STAG1: variants seen among roughly 807,000 people sequenced by gnomAD.
The protein encoded by STAG1 is cohesin subunit SA-1.
STAG1 carries 26 observed loss-of-function variants against 170.9 expected under a neutral mutation model. The observed-to-expected ratio is 0.15, with a 90% confidence interval of 0.11 to 0.21. The LOEUF is 0.21. Ranked by LOEUF, STAG1 falls within the 10% of genes least tolerant of loss-of-function variation. The pLI is 1.00. For missense variants in STAG1, 964 were observed against 1,509.5 expected (o/e 0.64, Z 5.99); for synonymous variants, 514 against 497.7 (o/e 1.03, Z -0.44).
At chr3:136,717,086 T>C (rs779588669) in intron 1 of STAG1, among the ~76,000 whole-genome samples, 12 of 152,236 alleles carry the variant, frequency 7.9e-5, no homozygotes, top group Non-Finnish European at 1.6e-4. Context: ...GTCTGTTCTA[T>C]TTCTCTTTGC....
intron 5 of STAG1, among the ~76,000 whole-genome samples, chr3:136,559,556 G>A (rs537985057): frequency 3.2e-4 from 48 of 152,232 alleles, no homozygotes; most frequent in African/African-American, 8.4e-4. Context: ...ACTAACTCCC[G>A]GTCAGTCACT....
chr3:136,632,554 T>TA (rs1445842606), intron 1 of STAG1, among the ~76,000 whole-genome samples: 4 of 152,106 alleles, frequency 2.6e-5, no homozygotes, highest in Middle Eastern at 3.4e-3. Context: ...TTTAAATATA[T>TA]ATACTACACA....
chr3:136,537,521 G>A (rs1241234945), intron 6 of STAG1, among the ~76,000 whole-genome samples: 5 of 135,370 alleles, frequency 3.7e-5, no homozygotes, highest in African/African-American at 1.4e-4. Context: ...TTTTTTTTGA[G>A]GTGAAGTCTC....
chr3:136,487,973 A>T (rs903501194), intron 9 of STAG1, among the ~76,000 whole-genome samples: 2 of 152,236 alleles, frequency 1.3e-5, no homozygotes, highest in African/African-American at 4.8e-5. Flanking sequence ...CATGTAAGTA[A>T]GCCATTGTGG....
chr3:136,661,072 T>C (rs1941562647), intron 1 of STAG1, among the ~76,000 whole-genome samples: 1 of 152,206 alleles, frequency 6.6e-6, no homozygotes, highest in Non-Finnish European at 1.5e-5. Context: ...TAAATTGTTT[T>C]AATGACTAAG....
At chr3:136,440,835 CA>C in intron 15 of STAG1, among the ~76,000 whole-genome samples, 1 of 151,452 alleles carries the variant, frequency 6.6e-6, no homozygotes, top group Non-Finnish European at 1.5e-5. Flanking sequence ...ACTGAAAATA[CA>C]AAAAAAATTA....
chr3:136,652,111 A>G (rs182764694), intron 1 of STAG1, among the ~76,000 whole-genome samples: 133 of 152,362 alleles, frequency 8.7e-4, no homozygotes, highest in Non-Finnish European at 1.7e-3. Context: ...CACAAAGGAA[A>G]AAAGTAAATG....
intron 22 of STAG1, among the ~76,000 whole-genome samples, chr3:136,386,541 CAA>C (rs2086877842): frequency 6.6e-6 from 1 of 152,104 alleles, no homozygotes; most frequent in Non-Finnish European, 1.5e-5. Flanking sequence ...CCCATAACAG[CAA>C]ACTGTATGAT....
chr3:136,730,535 T>C (rs938935366), intron 1 of STAG1, among the ~76,000 whole-genome samples: 1 of 152,234 alleles, frequency 6.6e-6, no homozygotes, highest in Non-Finnish European at 1.5e-5. Flanking sequence ...ATTATGCATG[T>C]AAGCTACTTG....
Position 136,657,537 on chromosome 3 carries a change from C to T in STAG1, c.-83-26556G>A, listed in dbSNP as rs770138060. On this transcript the variant is annotated intron_variant, in intron 1 of 33. Coordinates refer to ENST00000383202, the MANE Select transcript of STAG1 (RefSeq NM_005862.3). ...TCACATGCACATAAAAAGACTGAAA[C>T]GGGCCAGGCAGGGTGGCCTCACGCC... Among the ~76,000 whole-genome samples the T allele has an allele frequency of 5.3e-5, 8 of 152,186 alleles. No individual in the cohort carries two copies. In the South Asian group the frequency reaches 1.2e-3, roughly 24 times the overall value.
At chr3:136,678,268 A>G (rs1942204599) in intron 1 of STAG1, among the ~76,000 whole-genome samples, 1 of 151,842 alleles carries the variant, frequency 6.6e-6, no homozygotes, top group South Asian at 2.1e-4. Flanking sequence ...ACTGCTTCAA[A>G]TAACAGTGCA....
At chr3:136,403,448 A>T (rs1017450084) in intron 21 of STAG1, among the ~76,000 whole-genome samples, 2 of 151,862 alleles carry the variant, frequency 1.3e-5, no homozygotes, top group African/African-American at 4.8e-5. Flanking sequence ...CATTAGTGCT[A>T]AAAAAATTAC....
intron 13 of STAG1, among the ~76,000 whole-genome samples, chr3:136,461,437 A>T (rs1003930712): frequency 6.6e-6 from 1 of 152,192 alleles, no homozygotes; most frequent in African/African-American, 2.4e-5. Context: ...ACTCCGCCCA[A>T]AAAATTGTTG....
At chr3:136,424,339 T>C (rs542436207) in intron 16 of STAG1, among the ~76,000 whole-genome samples, 1 of 151,020 alleles carries the variant, frequency 6.6e-6, no homozygotes, top group African/African-American at 2.4e-5. Context: ...TTTTTTTTTT[T>C]TTTTTTTTGA....
At chr3:136,398,056 C>T (rs2087218445) in intron 22 of STAG1, among the ~76,000 whole-genome samples, 1 of 151,974 alleles carries the variant, frequency 6.6e-6, no homozygotes, top group Admixed American at 6.6e-5. Flanking sequence ...AAGCGATTCT[C>T]CTGCCTCAGC....
chr3:136,424,324 C>T (rs1416224748), intron 16 of STAG1, among the ~76,000 whole-genome samples: 2 of 144,382 alleles, frequency 1.4e-5, no homozygotes, highest in Non-Finnish European at 3.0e-5. Context: ...TTTGATGGAA[C>T]GATCTTTTTT....
At chr3:136,690,056 C>CAAAAAAAAAAAAAAAAAAAAAAGAAAAA (rs1942669339) in intron 1 of STAG1, among the ~76,000 whole-genome samples, 13 of 56,404 alleles carry the variant, frequency 2.3e-4, no homozygotes, top group African/African-American at 6.2e-4. Context: ...AAAAGCAAAC[C>CAAAAAAAAAAAAAAAAAAAAAAGAAAAA]AAAAAAAAAA....
intron 5 of STAG1, 120 bp from the exon 6 acceptor site, chr3:136,542,315 T>G: frequency 4.3e-6 from 3 of 691,448 alleles, no homozygotes; most frequent in Non-Finnish European, 4.8e-6. Context: ...CAACATATAT[T>G]TTATATTAAA....
At chr3:136,453,316 G>A (rs1010447796) in intron 13 of STAG1, among the ~76,000 whole-genome samples, 1 of 152,100 alleles carries the variant, frequency 6.6e-6, no homozygotes, top group Non-Finnish European at 1.5e-5. Flanking sequence ...AGTTGGCCGG[G>A]CACGGTGGCT....
Sources: allele counts gnomAD v4.1 joint callset (sites outside exome capture counted in the v4.1 genomes callset), GRCh38; gene constraint gnomAD v4.1.1; transcripts MANE v1.5; gene names NCBI Gene and HGNC (gene_info 2026-07-23, HGNC 2026-07-21).